NCKAP5L: variants seen among roughly 807,000 people sequenced by gnomAD.
NCKAP5L encodes the protein NCK associated protein 5 like, also known as nck-associated protein 5-like.
In NCKAP5L, 54 loss-of-function variants were observed where a neutral mutation model predicts 103.2. The ratio of observed to expected loss-of-function variants is 0.52; its 90% confidence interval spans 0.42 to 0.66. The LOEUF is 0.66. Ranked by LOEUF, NCKAP5L falls within the 30% of genes least tolerant of loss-of-function variation. NCKAP5L has a pLI of 0.00. For missense variants in NCKAP5L, 1,733 were observed against 1,750.6 expected (o/e 0.99, Z 0.18); for synonymous variants, 762 against 748.6 (o/e 1.02, Z -0.29).
rs376000965 is a variant in NCKAP5L, at chr12:49,803,036, C to G, written c.193-40G>C. 8.1e-5 allele frequency: 131 copies of G among 1,614,100 alleles called. No homozygotes were observed. In the Middle Eastern group the frequency reaches 1.3e-3, roughly 16 times the overall value. On this transcript the variant is annotated intron_variant, in intron 4 of 12. Coordinates refer to ENST00000335999, the MANE Select transcript of NCKAP5L (RefSeq NM_001037806.4). ...CCCCGAGGCAGAGCCATCAGCTGACCCCAGCTTCTGCCAGGAGCAGATGAG... is the reference window on the plus strand; with the variant it reads ...CCCCGAGGCAGAGCCATCAGCTGACGCCAGCTTCTGCCAGGAGCAGATGAG...
At position 49,796,484 on chromosome 12, in the gene NCKAP5L, A is replaced by G; in HGVS notation, c.1376T>C (p.Leu459Pro). 6.5e-7 allele frequency: 1 copy of G among 1,534,208 alleles called. No individual in the cohort carries two copies. Among genetic ancestry groups the G allele is most frequent in the South Asian group, 1.3e-5 (1 of 78,658 alleles). ...LPSPARGLKF[L>P]KLPPTSEKSP... ...CTTCTCCGAGGTTGGAGGCAGCTTT[A>G]GAAACTTGAGACCCCTAGCTGGAGA... The change falls in exon 8 of 13, where the codon CTA (leucine) becomes CCA (proline). Residue 459 changes from leucine (L) to proline (P), a missense_variant. By Grantham distance (98) the Leu-to-Pro change is moderately conservative (BLOSUM62 -3). Coordinates refer to ENST00000335999, the MANE Select transcript of NCKAP5L (RefSeq NM_001037806.4).
intron 6 of NCKAP5L, among the ~76,000 whole-genome samples, chr12:49,799,520 T>C (rs1372863567): frequency 6.6e-6 from 1 of 152,114 alleles, no homozygotes. Context: ...TCTTGCTATG[T>C]TGCCTAGGCT....
At chr12:49,827,983 G>A (rs1319892706) in intron 1 of NCKAP5L, among the ~76,000 whole-genome samples, 5 of 152,168 alleles carry the variant, frequency 3.3e-5, no homozygotes. Context: ...GGCAAGGTCA[G>A]TGCTTTCAAA....
intron 1 of NCKAP5L, among the ~76,000 whole-genome samples, chr12:49,817,273 T>C (rs1408280980): frequency 2.0e-5 from 3 of 152,136 alleles, no homozygotes; most frequent in African/African-American, 7.2e-5. Context: ...ATATCAATTA[T>C]ATTTTTCATA....
chr12:49,802,256 T>TA, intron 5 of NCKAP5L: 1 of 293,224 alleles, frequency 3.4e-6, no homozygotes, highest in Non-Finnish European at 6.3e-6. Context: ...CCTCTTTTTT[T>TA]CTTTTTTTTT....
In NCKAP5L at chr12:49,804,040, G is replaced by A. The variant is rs767602236; in HGVS notation, c.5C>T (p.Ser2Leu). 6.2e-7 allele frequency: 1 copy of A among 1,610,290 alleles called. No individual in the cohort carries two copies. Among genetic ancestry groups the A allele is most frequent in the Non-Finnish European group, 8.5e-7 (1 of 1,179,922 alleles). M[S>L]EAMDQPAGGP... ...CCCAGCTGGCTGGTCCATGGCCTCTGACATCTGGCCCTGGGAACAAGGAAG... is the reference window on the plus strand; with the variant it reads ...CCCAGCTGGCTGGTCCATGGCCTCTAACATCTGGCCCTGGGAACAAGGAAG... Residue 2 changes from serine to leucine, a missense_variant, in exon 3 of 13, where the codon TCA becomes TTA. Transcript: ENST00000335999.
intron 1 of NCKAP5L, among the ~76,000 whole-genome samples, chr12:49,819,626 T>C (rs998821314): frequency 6.6e-6 from 1 of 152,100 alleles, no homozygotes; most frequent in African/African-American, 2.4e-5. Flanking sequence ...GTTGAATGCA[T>C]AGAAGCAGAG....
intron 1 of NCKAP5L, among the ~76,000 whole-genome samples, chr12:49,807,569 T>C (rs1445090251): frequency 6.6e-6 from 1 of 152,214 alleles, no homozygotes; most frequent in African/African-American, 2.4e-5. Flanking sequence ...TAAAAATGTA[T>C]CATATTTAAC....
intron 6 of NCKAP5L, 102 bp from the exon 7 acceptor site, chr12:49,798,565 G>A (rs1015279343): frequency 5.1e-6 from 5 of 980,904 alleles, no homozygotes; most frequent in Non-Finnish European, 4.7e-6. Context: ...CCTTCACGGA[G>A]GACTCCCAGA....
rs1946138624 is a variant in NCKAP5L, at chr12:49,803,079, C to T, written c.192+18G>A. 1 of 1,614,258 alleles carries T rather than the reference C, an allele frequency of 6.2e-7. No homozygotes were observed. Among genetic ancestry groups the T allele is most frequent in the Non-Finnish European group, 8.5e-7 (1 of 1,180,040 alleles). On this transcript the variant is annotated intron_variant, in intron 4 of 12. Coordinates refer to ENST00000335999, the MANE Select transcript of NCKAP5L (RefSeq NM_001037806.4). ...CAGATGAGCCACATCCCCCCAGTCC[C>T]ACTACAGACCCACAGACCTCGTCCA...
chr12:49,793,340 G>C lies in NCKAP5L; in HGVS notation c.3340+12C>G, dbSNP rs1565584216. On this transcript the variant is annotated intron_variant, in intron 10 of 12. Transcript: ENST00000335999. Reference sequence around the variant, plus strand: ...GGGGGCAGGCCCATCCTCAGCCCCTGACCCTGCTGACCTGTGAAGTGTGAG... The same window carrying C: ...GGGGGCAGGCCCATCCTCAGCCCCTCACCCTGCTGACCTGTGAAGTGTGAG... 3 of 1,604,448 alleles carry C rather than the reference G, an allele frequency of 1.9e-6. No individual in the cohort carries two copies. Among genetic ancestry groups the C allele is most frequent in the Non-Finnish European group, 2.5e-6 (3 of 1,179,148 alleles).
At chr12:49,794,655 A>C in intron 8 of NCKAP5L, 110 bp downstream of exon 8, 1 of 811,390 alleles carries the variant, frequency 1.2e-6, no homozygotes, top group Non-Finnish European at 1.7e-6. Flanking sequence ...GACCTCTGGG[A>C]AGCCCCAGCT....
At chr12:49,804,372 C>T (rs961889957) in intron 2 of NCKAP5L, 8 of 195,286 alleles carry the variant, frequency 4.1e-5, no homozygotes, top group African/African-American at 1.4e-4. Flanking sequence ...CTCAGTCCCT[C>T]TATTTGTAAA....
At chr12:49,821,538 T>A (rs574881171) in intron 1 of NCKAP5L, among the ~76,000 whole-genome samples, 1 of 152,326 alleles carries the variant, frequency 6.6e-6, no homozygotes, top group South Asian at 2.1e-4. Context: ...TCTGCAGTCC[T>A]GGCCTGACTC....
intron 1 of NCKAP5L, among the ~76,000 whole-genome samples, chr12:49,815,747 C>G (rs7977000): frequency 0.28 from 42,625 of 152,010 alleles, 6,381 homozygotes; most frequent in South Asian, 0.37. Flanking sequence ...ACCTGGGCCT[C>G]CCAAAGTGCT....
Position 49,791,796 on chromosome 12 carries a change from T to A in NCKAP5L, c.*43A>T, listed in dbSNP as rs1277072811. ...GGGCATGAAGAGAGCCGGTCCAGTCTGTGGTCCCCAGCTCCAGCGGGGCCG... is the reference window on the plus strand; with the variant it reads ...GGGCATGAAGAGAGCCGGTCCAGTCAGTGGTCCCCAGCTCCAGCGGGGCCG... On this transcript the variant is annotated 3_prime_UTR_variant, in exon 13 of 13. Transcript: ENST00000335999. 2 of 1,488,240 alleles carry A rather than the reference T, an allele frequency of 1.3e-6. No individual in the cohort carries two copies. The highest frequency in any genetic ancestry group is 1.8e-6 in the Non-Finnish European group (2 of 1,107,102). The allele number at this position is 1,488,240 out of a possible 1,614,324, so 92.2% of individuals were successfully genotyped here.
chr12:49,818,210 A>G (rs1192320818), intron 1 of NCKAP5L, among the ~76,000 whole-genome samples: 2 of 152,206 alleles, frequency 1.3e-5, no homozygotes, highest in Non-Finnish European at 2.9e-5. Context: ...ATACAGGGTA[A>G]AAACTCCATG....
rs571468418 is a variant in NCKAP5L, at chr12:49,803,835, A to G, written c.123+87T>C. 66 of 1,512,312 alleles carry G rather than the reference A, an allele frequency of 4.4e-5. No homozygotes were observed. The Admixed American group carries it at 7.2e-4, about 16-fold the overall frequency. The allele number at this position is 1,512,312 out of a possible 1,614,324, so 93.7% of individuals were successfully genotyped here. On this transcript the variant is annotated intron_variant, in intron 3 of 12. Coordinates refer to ENST00000335999, the MANE Select transcript of NCKAP5L (RefSeq NM_001037806.4). ...AGAGGAAGGCCCATGGCACCCAAAA[A>G]CCTGCAGGAAGCTCAGAGGGAGGGG...
rs1008566724 is a variant in NCKAP5L at position 49,825,938 on chromosome 12, C to G, written c.-99+2384G>C. Among the ~76,000 whole-genome samples the G allele has an allele frequency of 2.4e-4, 36 of 152,256 alleles. 1 individual carries two copies. The highest frequency in any genetic ancestry group is 8.4e-4 in the African/African-American group (35 of 41,554). ...TGGCTCTTGGGCTGGAAAGCAAGTC[C>G]CAACCTGGAGAGCCCAACTCCTGAG... On this transcript the variant is annotated intron_variant, in intron 1 of 12. Coordinates refer to ENST00000335999, the MANE Select transcript of NCKAP5L (RefSeq NM_001037806.4).
Sources: allele counts gnomAD v4.1 joint callset (sites outside exome capture counted in the v4.1 genomes callset), GRCh38; gene constraint gnomAD v4.1.1; transcripts MANE v1.5; gene names NCBI Gene and HGNC (gene_info 2026-07-23, HGNC 2026-07-21).